Variants in STK32B observed in about 807,000 individuals in gnomAD.
STK32B encodes serine/threonine kinase 32B, also known as serine/threonine-protein kinase 32B.
Under a neutral mutation model 52.6 loss-of-function variants are expected in STK32B, and 43 were observed. The ratio of observed to expected loss-of-function variants is 0.82; its 90% confidence interval spans 0.64 to 1.05. The LOEUF (loss-of-function observed/expected upper bound fraction) is 1.05, where lower values mean the gene tolerates loss of function less well. STK32B is among the 50% of genes least tolerant of loss of function. The pLI is 0.00. For synonymous variants in STK32B, 238 were observed against 204.3 expected, an observed-to-expected ratio of 1.17 and a Z score of -1.41; for missense variants, 621 against 534.6, an observed-to-expected ratio of 1.16 and a Z score of -1.59.
intron 3 of STK32B, among the ~76,000 whole-genome samples, chr4:5,184,384 G>C (rs967425390): frequency 1.3e-5 from 2 of 152,034 alleles, no homozygotes; most frequent in African/African-American, 4.8e-5. Flanking sequence ...TTCTTATATG[G>C]GTGCAGCTCA....
At chr4:5,154,556 C>G (rs928135283) in intron 2 of STK32B, among the ~76,000 whole-genome samples, 1 of 152,164 alleles carries the variant, frequency 6.6e-6, no homozygotes, top group East Asian at 1.9e-4. Context: ...TAGGATTTTA[C>G]TTGGCTTGGT....
At chr4:5,310,685 CTAGGTA>C (rs1406583295) in intron 3 of STK32B, among the ~76,000 whole-genome samples, 1 of 152,092 alleles carries the variant, frequency 6.6e-6, no homozygotes, top group Non-Finnish European at 1.5e-5. Context: ...AATCCCACTA[CTAGGTA>C]TATATCCAAA....
At chr4:5,231,076 T>C (rs1475030642) in intron 3 of STK32B, among the ~76,000 whole-genome samples, 2 of 151,906 alleles carry the variant, frequency 1.3e-5, no homozygotes, top group Non-Finnish European at 2.9e-5. Context: ...GTGGCTCACA[T>C]CACCTGCCAG....
At chr4:5,073,432 T>C (rs73089631) in intron 1 of STK32B, among the ~76,000 whole-genome samples, 9,978 of 152,078 alleles carry the variant, frequency 0.066, 687 homozygotes, top group East Asian at 0.23. Context: ...ATTTGTTTTC[T>C]TATTTTGTAA....
intron 3 of STK32B, among the ~76,000 whole-genome samples, chr4:5,325,739 T>A (rs1422000734): frequency 6.6e-6 from 1 of 152,228 alleles, no homozygotes; most frequent in Non-Finnish European, 1.5e-5. Context: ...TCCAGATTTT[T>A]CCATAGGTCA....
At chr4:5,479,630 G>C (rs994753095) in intron 11 of STK32B, among the ~76,000 whole-genome samples, 1 of 152,182 alleles carries the variant, frequency 6.6e-6, no homozygotes, top group Non-Finnish European at 1.5e-5. Flanking sequence ...GGGCTGCCTT[G>C]GGAGGTGGCA....
rs55754236 is a variant in STK32B, at chr4:5,467,508, T to C, written c.1042-498T>C. 0.049 allele frequency among the ~76,000 whole-genome samples: 7,444 copies of C among 152,270 alleles called. 211 individuals carry two copies. The highest frequency in any genetic ancestry group is 0.081 in the African/African-American group (3,371 of 41,538). ...GTCATTGGTCTTAGGGCCTACCTAATTCACTGTGACTTCATCTTAACTGGA... is the reference window on the plus strand; with the variant it reads ...GTCATTGGTCTTAGGGCCTACCTAACTCACTGTGACTTCATCTTAACTGGA... On this transcript the variant is annotated intron_variant, in intron 10 of 11. Transcript: ENST00000282908. The surrounding 1 kb of genome is among the most constrained non-coding windows in gnomAD (Gnocchi z 5.8).
chr4:5,124,202 T>C (rs943737758), intron 1 of STK32B, among the ~76,000 whole-genome samples: 1 of 152,202 alleles, frequency 6.6e-6, no homozygotes, highest in Non-Finnish European at 1.5e-5. Context: ...AATTTTGCTC[T>C]CTCACAGAGA....
intron 1 of STK32B, among the ~76,000 whole-genome samples, chr4:5,115,684 A>G (rs546627554): frequency 6.6e-6 from 1 of 152,048 alleles, no homozygotes; most frequent in South Asian, 2.1e-4. Context: ...GGGGTGCCAC[A>G]GGACACGTCC....
Position 5,446,719 on chromosome 4 carries a change from G to C in STK32B, c.609G>C (p.Ser203=), listed in dbSNP as rs201002875. ...ACATGGACAGAGGCCCCGGATACTC[G>C]TACCCTGTCGACTGGTGGTCCCTGG... ...QVYMDRGPGY[S]YPVDWWSLGI... is the part of the protein sequence containing the mutation. Residue 203 remains serine (S), a synonymous_variant, in exon 7 of 12, where the codon TCG becomes TCC. Coordinates refer to ENST00000282908, the MANE Select transcript of STK32B (RefSeq NM_018401.3). 1.2e-6 allele frequency: 2 copies of C among 1,613,922 alleles called. No individual in the cohort carries two copies. Among genetic ancestry groups the C allele is most frequent in the East Asian group, 2.2e-5 (1 of 44,882 alleles).
At chr4:5,178,410 G>C (rs1720092529) in intron 3 of STK32B, among the ~76,000 whole-genome samples, 1 of 152,244 alleles carries the variant, frequency 6.6e-6, no homozygotes, top group Non-Finnish European at 1.5e-5. Context: ...ATAGGCCTCT[G>C]GGCCTGTGAT....
At chr4:5,284,046 G>C (rs28456678) in intron 3 of STK32B, among the ~76,000 whole-genome samples, 15 of 151,996 alleles carry the variant, frequency 9.9e-5, no homozygotes, top group Non-Finnish European at 1.8e-4. Context: ...TTGTCTAGGC[G>C]TACAAATTAC....
intron 1 of STK32B, among the ~76,000 whole-genome samples, chr4:5,137,052 T>C (rs1195248364): frequency 6.6e-6 from 1 of 152,224 alleles, no homozygotes; most frequent in Non-Finnish European, 1.5e-5. Flanking sequence ...AAAGTAATAA[T>C]GGCTTTTGGC....
At chr4:5,233,828 A>G (rs1724437694) in intron 3 of STK32B, among the ~76,000 whole-genome samples, 1 of 151,930 alleles carries the variant, frequency 6.6e-6, no homozygotes, top group Non-Finnish European at 1.5e-5. Flanking sequence ...GGCAGAAACA[A>G]GAAGTCATAA....
At chr4:5,270,422 G>A (rs1227138745) in intron 3 of STK32B, among the ~76,000 whole-genome samples, 2 of 152,094 alleles carry the variant, frequency 1.3e-5, no homozygotes, top group South Asian at 4.2e-4. Context: ...TGATTAGATG[G>A]CGCCCACCCA....
At chr4:5,123,092 C>T (rs1715160502) in intron 1 of STK32B, among the ~76,000 whole-genome samples, 1 of 152,136 alleles carries the variant, frequency 6.6e-6, no homozygotes, top group Non-Finnish European at 1.5e-5. Context: ...AAGCCAACTT[C>T]CCCACCTCCC....
intron 11 of STK32B, among the ~76,000 whole-genome samples, chr4:5,492,561 C>G (rs1259576052): frequency 3.3e-5 from 5 of 151,072 alleles, no homozygotes; most frequent in Non-Finnish European, 7.4e-5. Context: ...ATTGAATACC[C>G]TTTATTTCCT....
chr4:5,180,043 G>A (rs888817182), intron 3 of STK32B, among the ~76,000 whole-genome samples: 13 of 152,298 alleles, frequency 8.5e-5, no homozygotes, highest in Non-Finnish European at 1.0e-4. Context: ...AATGAGGGAA[G>A]GGGCTCTCCA....
intron 4 of STK32B, among the ~76,000 whole-genome samples, chr4:5,369,008 C>G (rs558428098): frequency 6.6e-6 from 1 of 152,174 alleles, no homozygotes; most frequent in Admixed American, 6.5e-5. Context: ...ACAGAGCTGT[C>G]CACATCGCAC....
Sources: gnomAD v4.1 joint callset for allele counts (sites outside exome capture counted in the v4.1 genomes callset) on GRCh38, gnomAD v4.1.1 for gene constraint, Gnocchi (gnomAD v3.1) non-coding constraint, MANE v1.5 for transcripts, NCBI Gene and HGNC (gene_info 2026-07-23, HGNC 2026-07-21) for gene names.